Variants in STARD9 observed in about 807,000 individuals in gnomAD.
The protein encoded by STARD9 is stAR-related lipid transfer protein 9.
A neutral mutation model predicts 399.8 loss-of-function variants in STARD9; 346 were observed. The observed-to-expected ratio is 0.87, with a 90% CI of 0.79 to 0.95. The LOEUF (loss-of-function observed/expected upper bound fraction) is 0.95. Ranked by LOEUF, STARD9 falls within the 40% of genes least tolerant of loss-of-function variation. STARD9 has a pLI of 0.00. For missense variants in STARD9, 5,832 were observed against 5,667.5 expected, an observed-to-expected ratio of 1.03 and a Z score of -0.93; for synonymous variants, 2,203 against 2,143.5, an observed-to-expected ratio of 1.03 and a Z score of -0.77.
intron 1 of STARD9, among the ~76,000 whole-genome samples, chr15:42,577,277 C>T (rs1031777211): frequency 1.3e-5 from 2 of 152,152 alleles, no homozygotes; most frequent in Non-Finnish European, 2.9e-5. Context: ...CCTCAGCCTC[C>T]CCAGCAGCTG....
At chr15:42,703,450 G>A (rs1327219471) in intron 26 of STARD9, among the ~76,000 whole-genome samples, 7 of 149,934 alleles carry the variant, frequency 4.7e-5, no homozygotes, top group Admixed American at 1.3e-4. Flanking sequence ...TGCAGCCTCC[G>A]CCTCCAGGGT....
At position 42,627,447 on chromosome 15, in the gene STARD9, A is replaced by G. The variant is rs117795903; in HGVS notation, c.235-7409A>G. ...GCATTTATCCTTTCTTTATGTTACA[A>G]ACATTCCCGTTATGCTCTTAAAGTT... On this transcript the variant is annotated intron_variant, in intron 3 of 32. Transcript: ENST00000290607. Among the ~76,000 whole-genome samples, 15 of 152,344 alleles carry G rather than the reference A, an allele frequency of 9.8e-5. No individual in the cohort carries two copies. The East Asian group carries it at 2.3e-3, about 23-fold the overall frequency.
In STARD9 at chr15:42,691,806, C is replaced by G; in HGVS notation, c.10228C>G (p.Pro3410Ala). 6.5e-7 allele frequency: 1 copy of G among 1,537,266 alleles called. No homozygotes were observed. Among genetic ancestry groups the G allele is most frequent in the Non-Finnish European group, 8.7e-7 (1 of 1,146,924 alleles). ...LKPATPPYPM[P>A]STLSHMPTPD... is the part of the protein sequence containing the mutation. ...GCCTGCCACCCCTCCTTATCCAATG[C>G]CTTCCACTCTCTCACACATGCCAAC... The change falls in exon 23 of 33, where the codon CCT becomes GCT. Residue 3410 changes from proline to alanine, a missense_variant. Physicochemically the swap from Pro to Ala is conservative, Grantham distance 27. This residue lies in a region of STARD9 where 5,828 missense variants were observed against 5,651.1 expected (regional missense o/e 1.03). Coordinates refer to ENST00000290607, the MANE Select transcript of STARD9 (RefSeq NM_020759.3).
At chr15:42,661,653 C>T (rs1467330745) in intron 10 of STARD9, among the ~76,000 whole-genome samples, 1 of 151,946 alleles carries the variant, frequency 6.6e-6, no homozygotes, top group Non-Finnish European at 1.5e-5. Flanking sequence ...GACAACATCT[C>T]ATTATGTTGC....
At chr15:42,705,846 G>C (rs1360911439) in intron 26 of STARD9, among the ~76,000 whole-genome samples, 1 of 152,044 alleles carries the variant, frequency 6.6e-6, no homozygotes, top group Non-Finnish European at 1.5e-5. Flanking sequence ...TCCACCTCCT[G>C]GGTTCAAGCG....
chr15:42,669,395 G>A, intron 16 of STARD9, 58 bp downstream of exon 16: 2 of 1,390,148 alleles, frequency 1.4e-6, no homozygotes, highest in Non-Finnish European at 1.9e-6. Flanking sequence ...GGTCAAGGAG[G>A]GAAAAGCTAG....
Position 42,677,258 on chromosome 15 carries a change from C to T in STARD9, c.1874+1283C>T, listed in dbSNP as rs140219968. Among the ~76,000 whole-genome samples the T allele has an allele frequency of 2.4e-3, 360 of 152,142 alleles. 7 individuals are homozygous for T. The East Asian group carries it at 0.033, about 14-fold the overall frequency. ...CAGCCTGGGCGACAGGGCGAGACTC[C>T]GTCTCAAAAAAAGAAAAACAAACAA... is the stretch of plus-strand genomic sequence containing the variant. On this transcript the variant is annotated intron_variant, in intron 20 of 32. Transcript: ENST00000290607.
At position 42,686,146 on chromosome 15, in the gene STARD9, C is replaced by T; in HGVS notation, c.4568C>T (p.Ala1523Val). The change falls in exon 23 of 33, where the codon GCT becomes GTT. Residue 1523 changes from alanine to valine, a missense_variant. Transcript: ENST00000290607. ...LEEDSGSLAQ[A>V]SSKGGDTLLP... ...GAAGACTCTGGTTCCCTGGCCCAAG[C>T]TTCTAGCAAAGGAGGAGATACTCTA... The T allele has an allele frequency of 6.5e-7, 1 of 1,537,348 alleles. No homozygotes were observed. The highest frequency in any genetic ancestry group is 8.7e-7 in the Non-Finnish European group (1 of 1,146,938).
chr15:42,666,594 G>A lies in STARD9; in HGVS notation c.1317+746G>A, dbSNP rs150313767. ...GGGCACATTTAGAAGGTTTGAACTT[G>A]GTGTAAACAGGATTAATAGCTTCTT... On this transcript the variant is annotated intron_variant, in intron 15 of 32. Transcript: ENST00000290607. Among the ~76,000 whole-genome samples the A allele has an allele frequency of 2.1e-3, 324 of 152,212 alleles. 2 individuals carry two copies. Among genetic ancestry groups the A allele is most frequent in the African/African-American group, 7.4e-3 (307 of 41,518 alleles).
chr15:42,680,204 A>C (rs751688818), intron 20 of STARD9, among the ~76,000 whole-genome samples: 1 of 152,182 alleles, frequency 6.6e-6, no homozygotes, highest in Non-Finnish European at 1.5e-5. Flanking sequence ...CCCCCAGGGA[A>C]AGGTCAGCAA....
chr15:42,663,285 G>T lies in STARD9; in HGVS notation c.873G>T (p.Gln291His). ...TTTCTTTTTTCATCTTTTAAGCCCA[G>T]AACTCCCAAGTTTTCAGCAGCTGCC... Reference protein sequence around the residue: ...TLGIVISTLAQNSQVFSSCQS... With the variant: ...TLGIVISTLAHNSQVFSSCQS... The change falls in exon 12 of 33, where the codon CAG (glutamine) becomes CAT (histidine). Residue 291 changes from glutamine to histidine, a missense_variant. Coordinates refer to ENST00000290607, the MANE Select transcript of STARD9 (RefSeq NM_020759.3). 1 of 1,530,544 alleles carries T rather than the reference G, an allele frequency of 6.5e-7. No homozygotes were observed. The highest frequency in any genetic ancestry group is 1.2e-5 in the South Asian group (1 of 83,852). 94.8% of individuals were successfully genotyped at this position (1,530,544 alleles called of 1,614,324 possible).
At chr15:42,594,862 T>C (rs1306672428) in intron 3 of STARD9, among the ~76,000 whole-genome samples, 1 of 152,166 alleles carries the variant, frequency 6.6e-6, no homozygotes, top group African/African-American at 2.4e-5. Flanking sequence ...CCTATTGCCA[T>C]CTAGTAGTAT....
At chr15:42,695,455 C>A in intron 25 of STARD9, 132 bp downstream of exon 25, 1 of 917,740 alleles carries the variant, frequency 1.1e-6, no homozygotes, top group Non-Finnish European at 1.6e-6. Flanking sequence ...CTGTTGTCAA[C>A]TCAAAGCTGG....
At chr15:42,677,905 G>A (rs140907008) in intron 20 of STARD9, among the ~76,000 whole-genome samples, 1 of 152,280 alleles carries the variant, frequency 6.6e-6, no homozygotes, top group East Asian at 1.9e-4. Context: ...AGTACATCAT[G>A]GTGTTGTGCT....
intron 1 of STARD9, among the ~76,000 whole-genome samples, chr15:42,578,822 C>A (rs1008550777): frequency 1.3e-5 from 2 of 152,202 alleles, no homozygotes; most frequent in African/African-American, 4.8e-5. Context: ...GGTTTTCACT[C>A]TGAACTATTC....
intron 26 of STARD9, among the ~76,000 whole-genome samples, chr15:42,710,337 C>T (rs776254946): frequency 8.6e-5 from 13 of 151,374 alleles, no homozygotes; most frequent in East Asian, 3.9e-4. Flanking sequence ...TGTTGGAATA[C>T]GGACGTGAGC....
At chr15:42,639,171 C>T (rs1169638317) in intron 7 of STARD9, among the ~76,000 whole-genome samples, 6 of 152,212 alleles carry the variant, frequency 3.9e-5, no homozygotes, top group Admixed American at 3.9e-4. Context: ...GGAGTATAGT[C>T]GTGTGAAGAA....
intron 3 of STARD9, among the ~76,000 whole-genome samples, chr15:42,631,144 C>T (rs2059324982): frequency 6.6e-6 from 1 of 152,046 alleles, no homozygotes; most frequent in East Asian, 1.9e-4. Flanking sequence ...CATGCCTGGC[C>T]ACTTTTCTAG....
intron 15 of STARD9, 47 bp from the exon 16 acceptor site, chr15:42,669,111 C>G (rs1566919601): frequency 2.1e-6 from 3 of 1,460,550 alleles, no homozygotes; most frequent in Non-Finnish European, 2.8e-6. Flanking sequence ...GACCTTTAGT[C>G]TGTTCCCCAT....
Sources: gnomAD v4.1 joint callset for allele counts (sites outside exome capture counted in the v4.1 genomes callset) on GRCh38, gnomAD v4.1.1 for gene constraint, gnomAD v4.1.1 regional missense constraint, MANE v1.5 for transcripts, NCBI Gene and HGNC (gene_info 2026-07-23, HGNC 2026-07-21) for gene names.